TASOR2: variants seen among roughly 807,000 people sequenced by gnomAD.
TASOR2 encodes the protein transcription activation suppressor family member 2, also known as protein TASOR 2.
TASOR2 carries 84 observed loss-of-function variants against 199.5 expected under a neutral mutation model. The observed-to-expected ratio is 0.42, with a 90% CI of 0.35 to 0.50. The LOEUF is 0.50. Among genes scored for constraint, TASOR2 ranks in the 20% least tolerant of loss-of-function variants. The pLI is 0.02. For synonymous variants in TASOR2, 1,103 were observed against 1,046.6 expected, an observed-to-expected ratio of 1.05 and a Z score of -1.04; for missense variants, 2,796 against 2,835.9, an observed-to-expected ratio of 0.99 and a Z score of 0.32.
chr10:5,705,528 T>A (rs1482166367), intron 1 of TASOR2, among the ~76,000 whole-genome samples: 1 of 152,174 alleles, frequency 6.6e-6, no homozygotes, highest in Non-Finnish European at 1.5e-5. Flanking sequence ...ATATGGTAAG[T>A]ATGTGTTTAT....
At chr10:5,703,347 C>G (rs1286916160) in intron 1 of TASOR2, among the ~76,000 whole-genome samples, 1 of 151,832 alleles carries the variant, frequency 6.6e-6, no homozygotes, top group African/African-American at 2.4e-5. Flanking sequence ...AATTTTATGT[C>G]TAATAAGGCA....
In TASOR2 at chr10:5,685,460, CAG is replaced by C. The variant is rs980448725; in HGVS notation, c.-288+286_-288+287del. Among the ~76,000 whole-genome samples the C allele has an allele frequency of 3.9e-5, 6 of 152,182 alleles. No homozygotes were observed. Among genetic ancestry groups the C allele is most frequent in the African/African-American group, 1.2e-4 (5 of 41,426 alleles). ...GAGGCGTTTCGTTTGCGTCGCCTGTCAGGGGACAGCTGCGTCCTCAGGGATAT... is the reference window on the plus strand; with the variant it reads ...GAGGCGTTTCGTTTGCGTCGCCTGTCGGGACAGCTGCGTCCTCAGGGATAT... On this transcript the variant is annotated intron_variant, in intron 1 of 20. Transcript: ENST00000328090. The surrounding 1 kb of genome is among the most constrained non-coding windows in gnomAD (Gnocchi z 5.4).
chr10:5,698,749 G>A lies in TASOR2; in HGVS notation c.-288+13574G>A, dbSNP rs1413611531. On this transcript the variant is annotated intron_variant, in intron 1 of 20. Coordinates refer to ENST00000328090, the Ensembl canonical transcript of TASOR2. The surrounding 1 kb of genome is among the most constrained non-coding windows in gnomAD (Gnocchi z 4.4). ...GAAGTAGATGGAAAATGTGACCTAA[G>A]GTTTTAATACAAATTTTAAAATAAA... Among the ~76,000 whole-genome samples the A allele has an allele frequency of 6.6e-6, 1 of 152,074 alleles. No individual in the cohort carries two copies. Among genetic ancestry groups the A allele is most frequent in the East Asian group, 1.9e-4 (1 of 5,198 alleles).
intron 15 of TASOR2, among the ~76,000 whole-genome samples, chr10:5,753,488 G>A (rs1838369112): frequency 6.6e-6 from 1 of 152,106 alleles, no homozygotes; most frequent in Non-Finnish European, 1.5e-5. Context: ...TCTGCCTCCG[G>A]AGTAGCTGGG....
In TASOR2 at chr10:5,722,836, T is replaced by C; in HGVS notation, c.147-841T>C. On this transcript the variant is annotated intron_variant, in intron 6 of 20. Transcript: ENST00000328090. The surrounding 1 kb of genome is among the most constrained non-coding windows in gnomAD (Gnocchi z 4.0). ...CAGCCTGGCCAATACGGTGAAACGC[T>C]GTCTCCACTGAAAATACAAAAATTA... 6.6e-6 allele frequency among the ~76,000 whole-genome samples: 1 copy of C among 151,718 alleles called. No homozygotes were observed. Among genetic ancestry groups the C allele is most frequent in the East Asian group, 2.0e-4 (1 of 5,030 alleles).
intron 1 of TASOR2, among the ~76,000 whole-genome samples, chr10:5,696,481 TGGGTAGCCG>T (rs1350817505): frequency 6.6e-6 from 1 of 152,154 alleles, no homozygotes; most frequent in Non-Finnish European, 1.5e-5. Flanking sequence ...CTCAGCCTCC[TGGGTAGCCG>T]GGAATACAGG....
In TASOR2 at chr10:5,701,070, C is replaced by G. The variant is rs1422042719; in HGVS notation, c.-287-11753C>G. 2.0e-5 allele frequency among the ~76,000 whole-genome samples: 3 copies of G among 151,940 alleles called. No homozygotes were observed. Among genetic ancestry groups the G allele is most frequent in the Non-Finnish European group, 4.4e-5 (3 of 67,978 alleles). On this transcript the variant is annotated intron_variant, in intron 1 of 20. Coordinates refer to ENST00000328090, the Ensembl canonical transcript of TASOR2. This position sits in a 1 kb window ranked among gnomAD's most constrained non-coding sequence, Gnocchi z 4.9. ...AAAAAAGTTTGGCCAGACTAGTATC[C>G]TGGAGTGTTTTCCCAGTGTTTTCTT...
chr10:5,727,592 A>T (rs964601656), intron 10 of TASOR2, among the ~76,000 whole-genome samples: 1 of 152,166 alleles, frequency 6.6e-6, no homozygotes, highest in Non-Finnish European at 1.5e-5. Flanking sequence ...GCATAAACAG[A>T]TATGCAGTGT....
At chr10:5,734,742 T>A (rs1835320412) in intron 11 of TASOR2, among the ~76,000 whole-genome samples, 1 of 146,906 alleles carries the variant, frequency 6.8e-6, no homozygotes, top group Non-Finnish European at 1.5e-5. Flanking sequence ...TTTTTTTTTT[T>A]TTTTGAGACA....
exon 15 of TASOR2, chr10:5,747,655 A>G (rs1172789156): frequency 1.2e-6 from 2 of 1,614,112 alleles, no homozygotes; most frequent in African/African-American, 1.3e-5. Flanking sequence ...AGTACCAGTT[A>G]AAGAGACACG....
intron 1 of TASOR2, among the ~76,000 whole-genome samples, chr10:5,693,840 C>T (rs891328454): frequency 1.3e-5 from 2 of 152,204 alleles, no homozygotes; most frequent in Non-Finnish European, 2.9e-5. Flanking sequence ...TGATTATCTA[C>T]TGTGGTGCTA....
intron 7 of TASOR2, 85 bp downstream of exon 8, chr10:5,723,862 CACTT>C: frequency 1.3e-6 from 1 of 757,188 alleles, no homozygotes; most frequent in South Asian, 2.5e-5. Flanking sequence ...CACACATGCA[CACTT>C]CTGTTTCATC....
chr10:5,733,319 C>A (rs1408721515), intron 11 of TASOR2, among the ~76,000 whole-genome samples: 1 of 152,020 alleles, frequency 6.6e-6, no homozygotes, highest in Non-Finnish European at 1.5e-5. Context: ...ACCTGCCTGG[C>A]CAACATGGTG....
At chr10:5,712,012 T>A (rs1204501624) in intron 1 of TASOR2, among the ~76,000 whole-genome samples, 2 of 151,052 alleles carry the variant, frequency 1.3e-5, no homozygotes, top group Non-Finnish European at 3.0e-5. Flanking sequence ...AAAAAAAGAA[T>A]AGAAACAAAG....
chr10:5,713,365 G>A (rs1832168446), intron 2 of TASOR2, among the ~76,000 whole-genome samples: 1 of 152,126 alleles, frequency 6.6e-6, no homozygotes, highest in African/African-American at 2.4e-5. Context: ...AATATTTGAA[G>A]ACTGAAATCT....
rs1328735493 is a variant in TASOR2, at chr10:5,761,287, CAG to C, written c.6993_6994del. 1.2e-6 allele frequency: 2 copies of C among 1,609,250 alleles called. No homozygotes were observed. The highest frequency in any genetic ancestry group is 1.7e-6 in the Non-Finnish European group (2 of 1,177,690). On this transcript the variant is annotated splice_acceptor_variant, in intron 18 of 20. Transcript: ENST00000328090. LOFTEE classifies it high-confidence loss of function. ...TTTTAATATGCCTATGTATCTTTCA[CAG>C]AGTGGATTCAACTGCACATAAGAAG... is the stretch of plus-strand genomic sequence containing the variant.
chr10:5,746,905 C>T (rs1215053961), exon 15 of TASOR2: 1 of 1,614,224 alleles, frequency 6.2e-7, no homozygotes, highest in Non-Finnish European at 8.5e-7. Flanking sequence ...CATGGAGGCA[C>T]TATCATTAGC....
intron 1 of TASOR2, among the ~76,000 whole-genome samples, chr10:5,703,791 C>T (rs149475005): frequency 3.3e-5 from 5 of 152,166 alleles, no homozygotes; most frequent in South Asian, 2.1e-4. Context: ...CGTGAGCCAC[C>T]GCGCCCGGCC....
chr10:5,708,293 A>G (rs565861652), intron 1 of TASOR2, among the ~76,000 whole-genome samples: 7 of 152,252 alleles, frequency 4.6e-5, no homozygotes, highest in African/African-American at 1.7e-4. Context: ...TATTTCTGCT[A>G]TCTAGAAAAT....
Sources: allele counts gnomAD v4.1 joint callset (sites outside exome capture counted in the v4.1 genomes callset), GRCh38; gene constraint gnomAD v4.1.1; non-coding constraint Gnocchi (gnomAD v3.1); transcripts MANE v1.5; gene names NCBI Gene and HGNC (gene_info 2026-07-23, HGNC 2026-07-21).